DEGS1: variants seen among roughly 807,000 people sequenced by gnomAD.
The protein encoded by DEGS1 is sphingolipid delta(4)-desaturase DES1.
Under a neutral mutation model 24.1 loss-of-function variants are expected in DEGS1, and 17 were observed. The ratio of observed to expected loss-of-function variants is 0.70; its 90% confidence interval spans 0.48 to 1.06. The LOEUF (loss-of-function observed/expected upper bound fraction) is 1.06, where lower values mean the gene tolerates loss of function less well. DEGS1 is among the 50% of genes least tolerant of loss of function. DEGS1 has a pLI of 0.00. For synonymous variants in DEGS1, 134 were observed against 140.0 expected (o/e 0.96, Z 0.30); for missense variants, 366 against 408.9 (o/e 0.90, Z 0.91).
Position 224,190,064 on chromosome 1 carries a change from C to A in DEGS1, c.570C>A (p.Thr190=), listed in dbSNP as rs772799051. 1.2e-6 allele frequency: 2 copies of A among 1,614,152 alleles called. No individual in the cohort carries two copies. The highest frequency in any genetic ancestry group is 1.7e-6 in the Non-Finnish European group (2 of 1,180,038). The part of the protein sequence containing the change: ...KPITYLEVIN[T]VAQVTFDILI... Reference sequence around the variant, plus strand: ...TTACGTATCTGGAAGTTATCAATACCGTGGCACAGGTCACTTTTGACATTT... The same window carrying A: ...TTACGTATCTGGAAGTTATCAATACAGTGGCACAGGTCACTTTTGACATTT... The change falls in exon 2 of 3, where the codon ACC becomes ACA. Residue 190 remains threonine (T), a synonymous_variant. Coordinates refer to ENST00000323699, the MANE Select transcript of DEGS1 (RefSeq NM_003676.4).
At chr1:224,184,723 C>T (rs370767030) in intron 1 of DEGS1, among the ~76,000 whole-genome samples, 1 of 152,122 alleles carries the variant, frequency 6.6e-6, no homozygotes, top group Non-Finnish European at 1.5e-5. Flanking sequence ...ACCATGTTGG[C>T]CAGGCTTATC....
At chr1:224,183,737 C>T (rs987778193) in intron 1 of DEGS1, 70 of 236,990 alleles carry the variant, frequency 3.0e-4, no homozygotes, top group African/African-American at 1.4e-3. Context: ...CCCGGCTGTG[C>T]CAGCCTTGAG....
Position 224,189,901 on chromosome 1 carries a change from G to T in DEGS1, c.407G>T (p.Gly136Val). ...RYHMDHHRYL[G>V]ADGVDVDIPT... is the part of the protein sequence containing the mutation. ...CACATGGATCATCATCGGTACCTTG[G>T]AGCTGATGGCGTCGATGTAGATATT... Residue 136 changes from glycine (G) to valine (V), a missense_variant, in exon 2 of 3, where the codon GGA becomes GTA. Coordinates refer to ENST00000323699, the MANE Select transcript of DEGS1 (RefSeq NM_003676.4). 1 of 1,614,176 alleles carries T rather than the reference G, an allele frequency of 6.2e-7. No individual in the cohort carries two copies. Among genetic ancestry groups the T allele is most frequent in the Non-Finnish European group, 8.5e-7 (1 of 1,180,038 alleles).
In DEGS1 at chr1:224,189,950, C is replaced by T. The variant is rs139145685; in HGVS notation, c.456C>T (p.Phe152=). 5.0e-6 allele frequency: 8 copies of T among 1,614,090 alleles called. No individual in the cohort carries two copies. In the African/African-American group the frequency reaches 9.3e-5, roughly 19 times the overall value. The part of the protein sequence containing the change: ...VDIPTDFEGW[F]FCTAFRKFIW... ...TTCCTACCGATTTTGAGGGCTGGTT[C>T]TTCTGTACCGCTTTCAGAAAGTTTA... The change falls in exon 2 of 3, where the codon TTC becomes TTT. Residue 152 remains phenylalanine (F), a synonymous_variant. Coordinates refer to ENST00000323699, the MANE Select transcript of DEGS1 (RefSeq NM_003676.4).
In DEGS1 at chr1:224,189,831, A is replaced by G. The variant is rs1280845604; in HGVS notation, c.337A>G (p.Asn113Asp). 8.1e-6 allele frequency: 13 copies of G among 1,614,214 alleles called. No individual in the cohort carries two copies. The highest frequency in any genetic ancestry group is 1.1e-5 in the South Asian group (1 of 91,092). Residue 113 changes from asparagine to aspartate, a missense_variant, in exon 2 of 3, where the codon AAT becomes GAT. Physicochemically the swap from Asn to Asp is conservative, Grantham distance 23. Transcript: ENST00000323699. ...MWNRWFGMFA[N>D]LPIGIPYSIS... ...GAATCGCTGGTTTGGAATGTTTGCTAATCTTCCTATTGGGATTCCATATTC... is the reference window on the plus strand; with the variant it reads ...GAATCGCTGGTTTGGAATGTTTGCTGATCTTCCTATTGGGATTCCATATTC...
At position 224,188,721 on chromosome 1, in the gene DEGS1, G is replaced by A. The variant is rs574782816; in HGVS notation, c.83-856G>A. On this transcript the variant is annotated intron_variant, in intron 1 of 2. Transcript: ENST00000323699. Reference sequence around the variant, plus strand: ...TTGTAAGAGTTCTTCATATATTCTGGATATAGGTCCCTTATGAGATACATG... The same window carrying A: ...TTGTAAGAGTTCTTCATATATTCTGAATATAGGTCCCTTATGAGATACATG... Among the ~76,000 whole-genome samples, 7 of 152,162 alleles carry A rather than the reference G, an allele frequency of 4.6e-5. 1 individual carries two copies. The highest frequency in any genetic ancestry group is 1.4e-4 in the African/African-American group (6 of 41,516).
intron 2 of DEGS1, among the ~76,000 whole-genome samples, chr1:224,191,683 C>T (rs1311920254): frequency 4.1e-5 from 6 of 146,458 alleles, no homozygotes; most frequent in Non-Finnish European, 8.9e-5. Context: ...CAACCTCCGC[C>T]TCCCGAGTTC....
rs139662577 is a variant in DEGS1 at position 224,190,884 on chromosome 1, G to A, written c.825+565G>A. On this transcript the variant is annotated intron_variant, in intron 2 of 2. Coordinates refer to ENST00000323699, the MANE Select transcript of DEGS1 (RefSeq NM_003676.4). ...ATTATAGGCACGTGCCACCATGCCT[G>A]GCTAATTTTTTATTTTTTGTAGAGG... 2.5e-3 allele frequency among the ~76,000 whole-genome samples: 383 copies of A among 151,814 alleles called. 1 individual carries two copies. Among genetic ancestry groups the A allele is most frequent in the African/African-American group, 8.4e-3 (349 of 41,388 alleles).
Position 224,192,871 on chromosome 1 carries a change from C to G in DEGS1, c.*393C>G, listed in dbSNP as rs199778110. 2 of 170,506 alleles carry G rather than the reference C, an allele frequency of 1.2e-5. No individual in the cohort carries two copies. The highest frequency in any genetic ancestry group is 2.5e-5 in the Non-Finnish European group (2 of 80,810). 10.6% of individuals were successfully genotyped at this position (170,506 alleles called of 1,614,324 possible). On this transcript the variant is annotated 3_prime_UTR_variant, in exon 3 of 3. Transcript: ENST00000323699. ...GAGTTCGAGACCAGCCTGGCCAACACGGTGAAACCCCATCTCTACTAAAAA... is the reference window on the plus strand; with the variant it reads ...GAGTTCGAGACCAGCCTGGCCAACAGGGTGAAACCCCATCTCTACTAAAAA...
intron 1 of DEGS1, among the ~76,000 whole-genome samples, chr1:224,186,914 G>A (rs187578919): frequency 2.2e-4 from 33 of 152,160 alleles, no homozygotes; most frequent in Admixed American, 7.9e-4. Context: ...ACTTTTTGGC[G>A]GGGGAGGGAA....
At chr1:224,183,498 G>T in intron 1 of DEGS1, 80 bp downstream of exon 1, 1 of 1,119,254 alleles carries the variant, frequency 8.9e-7, no homozygotes, top group Non-Finnish European at 1.1e-6. Context: ...CGGGCCCTGC[G>T]CGGTCGTGGG....
In DEGS1 at chr1:224,190,229, T is replaced by C. The variant is rs746858223; in HGVS notation, c.735T>C (p.Tyr245=). The part of the protein sequence containing the change: ...MFLKGHETYS[Y]YGPLNLLTFN... ...TAAAGGGTCATGAAACTTACTCATA[T>C]TATGGGCCTCTGAATTTACTTACCT... is the stretch of plus-strand genomic sequence containing the variant. Residue 245 remains tyrosine (Y), a synonymous_variant, in exon 2 of 3, where the codon TAT becomes TAC. Transcript: ENST00000323699. The C allele has an allele frequency of 2.6e-6, 4 of 1,519,948 alleles. No individual in the cohort carries two copies. The highest frequency in any genetic ancestry group is 3.5e-6 in the Non-Finnish European group (4 of 1,137,212). The allele number at this position is 1,519,948 out of a possible 1,614,324, so 94.2% of individuals were successfully genotyped here. A position where few individuals can be genotyped will look rare whatever the true frequency, so the allele number is the denominator to read the frequency against.
At chr1:224,186,041 G>T (rs1451975242) in intron 1 of DEGS1, among the ~76,000 whole-genome samples, 3 of 152,018 alleles carry the variant, frequency 2.0e-5, no homozygotes, top group African/African-American at 7.2e-5. Context: ...AGCTAGGCGT[G>T]CATGCCTGTC....
Position 224,183,325 on chromosome 1 carries a change from ACCGC to A in DEGS1, c.-11_-8del. 1 of 1,479,938 alleles carries A rather than the reference ACCGC, an allele frequency of 6.8e-7. No homozygotes were observed. The highest frequency in any genetic ancestry group is 1.3e-5 in the South Asian group (1 of 76,794). The allele number at this position is 1,479,938 out of a possible 1,614,324, so 91.7% of individuals were successfully genotyped here. A position where few individuals can be genotyped will look rare whatever the true frequency, so the allele number is the denominator to read the frequency against. On this transcript the variant is annotated 5_prime_UTR_variant, in exon 1 of 3. The change creates a new upstream start codon in the 5' untranslated region. Coordinates refer to ENST00000323699, the MANE Select transcript of DEGS1 (RefSeq NM_003676.4). ...AGAGCCGACAGCTAGTCTGCAAGCC[ACCGC>A]TGTCGCCATGGGGAGCCGCGTCTCG...
In DEGS1 at chr1:224,191,590, C is replaced by CTTT. The variant is rs748181749; in HGVS notation, c.826-720_826-718dup. ...GGCAGAATTGCACATTTGATAAGTGCTTTTTTTTTTTTTTTTTTTTTTTTG... is the reference window on the plus strand; with the variant it reads ...GGCAGAATTGCACATTTGATAAGTGCTTTTTTTTTTTTTTTTTTTTTTTTTTTG... On this transcript the variant is annotated intron_variant, in intron 2 of 2. Transcript: ENST00000323699. Among the ~76,000 whole-genome samples, 371 of 53,346 alleles carry CTTT rather than the reference C, an allele frequency of 7.0e-3. 23 individuals are homozygous for CTTT. The highest frequency in any genetic ancestry group is 0.034 in the East Asian group (51 of 1,506). 35.0% of individuals were successfully genotyped at this position (53,346 alleles called of 152,430 possible).
At chr1:224,185,100 C>A (rs966014108) in intron 1 of DEGS1, among the ~76,000 whole-genome samples, 2 of 151,944 alleles carry the variant, frequency 1.3e-5, no homozygotes, top group Non-Finnish European at 2.9e-5. Context: ...TTCATTTGCC[C>A]AGTGAAAAGA....
intron 1 of DEGS1, among the ~76,000 whole-genome samples, chr1:224,189,348 AG>A (rs1250388161): frequency 5.3e-5 from 8 of 152,184 alleles, no homozygotes; most frequent in Admixed American, 2.0e-4. Flanking sequence ...CTAAACTTTG[AG>A]GCTAATTTTT....
intron 1 of DEGS1, among the ~76,000 whole-genome samples, chr1:224,185,979 T>C (rs1658377176): frequency 6.6e-6 from 1 of 151,968 alleles, no homozygotes; most frequent in African/African-American, 2.4e-5. Context: ...GGCAAGAAGA[T>C]CGCTTGAGGC....
intron 1 of DEGS1, 41 bp from the exon 2 acceptor site, chr1:224,189,532 TTACA>T (rs1558209728): frequency 2.1e-6 from 3 of 1,404,162 alleles, no homozygotes; most frequent in Non-Finnish European, 2.9e-6. Context: ...TGGTGAACTA[TTACA>T]TACTTTTCTT....
Sources: gnomAD v4.1 joint callset for allele counts (sites outside exome capture counted in the v4.1 genomes callset) on GRCh38, gnomAD v4.1.1 for gene constraint, MANE v1.5 for transcripts, NCBI Gene and HGNC (gene_info 2026-07-23, HGNC 2026-07-21) for gene names.